Variants in FSTL5 observed in about 807,000 individuals in gnomAD.
The protein encoded by FSTL5 is follistatin like 5, also known as follistatin-related protein 5.
Under a neutral mutation model 89.1 loss-of-function variants are expected in FSTL5, and 62 were observed. The ratio of observed to expected loss-of-function variants is 0.70; its 90% CI spans 0.57 to 0.86. The LOEUF is 0.86. Ranked by LOEUF, FSTL5 falls within the 40% of genes least tolerant of loss-of-function variation. The pLI, the probability that FSTL5 is intolerant of heterozygous loss-of-function variation, is 0.00. For synonymous variants in FSTL5, 383 were observed against 346.2 expected, an observed-to-expected ratio of 1.11 and a Z score of -1.18; for missense variants, 1,057 against 1,001.6, an observed-to-expected ratio of 1.06 and a Z score of -0.75.
intron 10 of FSTL5, among the ~76,000 whole-genome samples, chr4:161,517,325 A>G (rs1299674956): frequency 6.6e-6 from 1 of 152,210 alleles, no homozygotes; most frequent in Non-Finnish European, 1.5e-5. Flanking sequence ...CTGCTTTGAT[A>G]TCTTTTATTC....
At chr4:161,784,539 C>T (rs935499673) in intron 4 of FSTL5, among the ~76,000 whole-genome samples, 3 of 152,118 alleles carry the variant, frequency 2.0e-5, no homozygotes, top group African/African-American at 7.2e-5. Flanking sequence ...TAATTTGTCA[C>T]ATCATTCAAA....
chr4:161,931,054 A>T (rs912273243), intron 3 of FSTL5, among the ~76,000 whole-genome samples: 22 of 151,950 alleles, frequency 1.4e-4, no homozygotes, highest in African/African-American at 5.3e-4. Context: ...CACTACATAG[A>T]AATTAGGGAT....
At chr4:161,809,143 C>T (rs899672930) in intron 4 of FSTL5, among the ~76,000 whole-genome samples, 3 of 152,086 alleles carry the variant, frequency 2.0e-5, no homozygotes, top group Admixed American at 6.5e-5. Flanking sequence ...GGCGTGAACC[C>T]GGGAGGCGGA....
intron 1 of FSTL5, among the ~76,000 whole-genome samples, chr4:162,111,789 G>T (rs192162480): frequency 6.6e-6 from 1 of 152,060 alleles, no homozygotes; most frequent in Non-Finnish European, 1.5e-5. Context: ...ATTGAACTTT[G>T]AGTATGTTTG....
At chr4:162,140,365 C>A (rs1328466557) in intron 1 of FSTL5, among the ~76,000 whole-genome samples, 2 of 141,770 alleles carry the variant, frequency 1.4e-5, no homozygotes. Flanking sequence ...AGTAACAACC[C>A]AAGAGCCCAT....
At chr4:161,893,058 G>A (rs183634144) in intron 4 of FSTL5, among the ~76,000 whole-genome samples, 1 of 152,230 alleles carries the variant, frequency 6.6e-6, no homozygotes, top group East Asian at 1.9e-4. Flanking sequence ...CAGTAAAAAA[G>A]ATGGATGCAT....
chr4:161,562,331 A>C (rs1732635765), intron 8 of FSTL5, among the ~76,000 whole-genome samples: 1 of 151,982 alleles, frequency 6.6e-6, no homozygotes. Flanking sequence ...GAATTTCCTC[A>C]TAAATTTTAG....
intron 15 of FSTL5, among the ~76,000 whole-genome samples, chr4:161,395,224 T>G (rs184559121): frequency 5.3e-5 from 8 of 152,202 alleles, no homozygotes; most frequent in African/African-American, 1.9e-4. Flanking sequence ...AAAGATGATA[T>G]AATAGAATAT....
chr4:161,777,371 C>T (rs1741447398), intron 4 of FSTL5, among the ~76,000 whole-genome samples: 1 of 151,740 alleles, frequency 6.6e-6, no homozygotes, highest in Non-Finnish European at 1.5e-5. Context: ...GCAGATATCT[C>T]TTTGATATTC....
intron 8 of FSTL5, among the ~76,000 whole-genome samples, chr4:161,557,287 A>T (rs1450197524): frequency 6.7e-6 from 1 of 149,910 alleles, no homozygotes; most frequent in Non-Finnish European, 1.5e-5. Context: ...CTGCACCTTT[A>T]CACAATTTAT....
intron 11 of FSTL5, among the ~76,000 whole-genome samples, chr4:161,507,273 G>GC (rs151217533): frequency 0.017 from 2,563 of 151,394 alleles, 63 homozygotes; most frequent in African/African-American, 0.058. Flanking sequence ...TAATCTAATT[G>GC]CCACAAAATA....
intron 2 of FSTL5, among the ~76,000 whole-genome samples, chr4:162,076,093 C>A: frequency 6.6e-6 from 1 of 151,846 alleles, no homozygotes. Flanking sequence ...AGAAACGATT[C>A]TTGGAATCTC....
intron 3 of FSTL5, among the ~76,000 whole-genome samples, chr4:161,980,140 AAAG>A (rs138211030): frequency 0.23 from 34,873 of 148,818 alleles, 4,793 homozygotes; most frequent in African/African-American, 0.38. Context: ...AAGAAAGAGA[AAAG>A]AAGGATAAAG....
chr4:161,462,059 T>C (rs1470638077), intron 13 of FSTL5, among the ~76,000 whole-genome samples: 3 of 152,214 alleles, frequency 2.0e-5, no homozygotes, highest in Non-Finnish European at 4.4e-5. Context: ...ATTGCTTTTC[T>C]TTTCACCAGG....
At chr4:161,472,871 T>G (rs137966846) in intron 13 of FSTL5, among the ~76,000 whole-genome samples, 4 of 151,542 alleles carry the variant, frequency 2.6e-5, no homozygotes, top group African/African-American at 9.7e-5. Flanking sequence ...ATTACAGGAG[T>G]GTACCACCAT....
chr4:161,826,296 A>T (rs1730665811), intron 4 of FSTL5, among the ~76,000 whole-genome samples: 1 of 152,178 alleles, frequency 6.6e-6, no homozygotes, highest in African/African-American at 2.4e-5. Context: ...GTGACCTATC[A>T]TATGGTCTCT....
intron 4 of FSTL5, among the ~76,000 whole-genome samples, chr4:161,881,921 C>T (rs1732647757): frequency 6.6e-6 from 1 of 151,950 alleles, no homozygotes; most frequent in Non-Finnish European, 1.5e-5. Flanking sequence ...AGCATTAACC[C>T]TCAAAGATAT....
At chr4:161,931,905 A>C (rs1734295952) in intron 3 of FSTL5, among the ~76,000 whole-genome samples, 1 of 151,904 alleles carries the variant, frequency 6.6e-6, no homozygotes, top group Admixed American at 6.6e-5. Context: ...AGATGGCATC[A>C]CTCCCAATGG....
At chr4:161,584,767 T>G (rs1047621906) in intron 8 of FSTL5, among the ~76,000 whole-genome samples, 2 of 152,188 alleles carry the variant, frequency 1.3e-5, no homozygotes, top group Non-Finnish European at 2.9e-5. Context: ...TCATCTTGTT[T>G]GCCTTCTCAG....
Sources: allele counts gnomAD v4.1 joint callset (sites outside exome capture counted in the v4.1 genomes callset), GRCh38; gene constraint gnomAD v4.1.1; transcripts MANE v1.5; gene names NCBI Gene and HGNC (gene_info 2026-07-23, HGNC 2026-07-21).